The following NSMCE2 variants were observed in gnomAD, a reference collection of about 807,000 sequenced individuals.
NSMCE2 encodes the protein E3 SUMO-protein ligase NSE2.
In NSMCE2, 24 loss-of-function variants were observed where a neutral mutation model predicts 23.8. The observed-to-expected ratio is 1.01, with a 90% CI of 0.73 to 1.42. The LOEUF is 1.42. NSMCE2 is among the 40% of genes most tolerant of loss of function. The probability of loss-of-function intolerance (pLI) is 0.00; values close to 1 mark genes in which losing one functional copy is unlikely to be tolerated. For synonymous variants in NSMCE2, 92 were observed against 94.1 expected, an observed-to-expected ratio of 0.98 and a Z score of 0.13; for missense variants, 284 against 296.5, an observed-to-expected ratio of 0.96 and a Z score of 0.31.
chr8:125,202,241 A>G (rs1823916945), intron 5 of NSMCE2, among the ~76,000 whole-genome samples: 7 of 152,222 alleles, frequency 4.6e-5, no homozygotes, highest in Non-Finnish European at 1.0e-4. Flanking sequence ...AACCAGTCCC[A>G]GTGAGATGAA....
At chr8:125,246,197 T>G (rs1338686251) in intron 5 of NSMCE2, among the ~76,000 whole-genome samples, 1 of 151,934 alleles carries the variant, frequency 6.6e-6, no homozygotes, top group Non-Finnish European at 1.5e-5. Flanking sequence ...CTTTTTTTTT[T>G]GAGACAGAGT....
intron 4 of NSMCE2, 158 bp downstream of exon 4, chr8:125,151,435 G>A (rs1238093855): frequency 2.2e-6 from 1 of 446,026 alleles, no homozygotes; most frequent in South Asian, 5.4e-5. Flanking sequence ...CATAAAATTG[G>A]AATCCTAAGT....
chr8:125,350,228 A>C (rs901092856), intron 5 of NSMCE2, among the ~76,000 whole-genome samples: 5 of 152,198 alleles, frequency 3.3e-5, no homozygotes, highest in Non-Finnish European at 7.3e-5. Flanking sequence ...GGAGAACAAG[A>C]GTGATGTGAT....
chr8:125,284,252 C>T (rs975798923), intron 5 of NSMCE2, among the ~76,000 whole-genome samples: 8 of 149,906 alleles, frequency 5.3e-5, no homozygotes, highest in African/African-American at 2.0e-4. Flanking sequence ...AAAAAAATAC[C>T]CCTGAAAGAC....
chr8:125,282,962 A>G (rs114798747), intron 5 of NSMCE2, among the ~76,000 whole-genome samples: 2 of 152,222 alleles, frequency 1.3e-5, no homozygotes, highest in Admixed American at 6.5e-5. Flanking sequence ...GTCTAGCATA[A>G]TTGTTGAAAG....
chr8:125,110,675 C>A (rs1247716011), intron 3 of NSMCE2, among the ~76,000 whole-genome samples: 1 of 150,042 alleles, frequency 6.7e-6, no homozygotes, highest in African/African-American at 2.5e-5. Context: ...CATTACACTT[C>A]ATAAAAAATG....
intron 5 of NSMCE2, among the ~76,000 whole-genome samples, chr8:125,351,002 C>T (rs1813008935): frequency 6.6e-6 from 1 of 152,098 alleles, no homozygotes; most frequent in Admixed American, 6.5e-5. Flanking sequence ...AGAGAAGGGG[C>T]TGGATATGGA....
intron 5 of NSMCE2, among the ~76,000 whole-genome samples, chr8:125,310,579 G>A (rs905116644): frequency 4.6e-5 from 7 of 151,984 alleles, no homozygotes; most frequent in East Asian, 3.9e-4. Flanking sequence ...TTAAATTCCC[G>A]GTTACTTTAA....
chr8:125,235,003 TG>T (rs1278101883), intron 5 of NSMCE2, among the ~76,000 whole-genome samples: 1 of 152,146 alleles, frequency 6.6e-6, no homozygotes, highest in African/African-American at 2.4e-5. Flanking sequence ...CCTAGCACTT[TG>T]GGAGGCTGAG....
chr8:125,207,826 A>G (rs1264459453), intron 5 of NSMCE2, among the ~76,000 whole-genome samples: 4 of 152,236 alleles, frequency 2.6e-5, no homozygotes, highest in Non-Finnish European at 4.4e-5. Context: ...TGCAGCCTCC[A>G]GCAGATGAGT....
intron 3 of NSMCE2, 110 bp from the exon 4 acceptor site, chr8:125,151,061 C>G (rs964440150): frequency 2.7e-4 from 131 of 487,272 alleles, no homozygotes; most frequent in Middle Eastern, 5.5e-4. Flanking sequence ...GATGTAATAG[C>G]TCTACAAAAT....
At chr8:125,358,742 G>A (rs1447681855) in intron 7 of NSMCE2, among the ~76,000 whole-genome samples, 1 of 152,058 alleles carries the variant, frequency 6.6e-6, no homozygotes, top group African/African-American at 2.4e-5. Flanking sequence ...CTTCTCCATT[G>A]CCCAGAAATT....
At chr8:125,234,876 C>G (rs894521025) in intron 5 of NSMCE2, among the ~76,000 whole-genome samples, 1 of 152,154 alleles carries the variant, frequency 6.6e-6, no homozygotes, top group Admixed American at 6.6e-5. Flanking sequence ...TAATCCCCAC[C>G]CCATCCCCCG....
At chr8:125,122,197 G>C (rs953902813) in intron 3 of NSMCE2, among the ~76,000 whole-genome samples, 2 of 142,636 alleles carry the variant, frequency 1.4e-5, no homozygotes, top group African/African-American at 5.2e-5. Context: ...AAAAAAAAAT[G>C]CTGCCTATTA....
At chr8:125,168,092 C>A (rs1350249184) in intron 4 of NSMCE2, among the ~76,000 whole-genome samples, 3 of 152,086 alleles carry the variant, frequency 2.0e-5, no homozygotes, top group African/African-American at 7.2e-5. Context: ...AATCACTAAT[C>A]GATGGGTTTA....
chr8:125,322,104 T>G (rs1273854710), intron 5 of NSMCE2, among the ~76,000 whole-genome samples: 1 of 152,238 alleles, frequency 6.6e-6, no homozygotes, highest in African/African-American at 2.4e-5. Flanking sequence ...ATTCTGGATA[T>G]GACCTCAAAC....
At chr8:125,293,342 G>C (rs1189189416) in intron 5 of NSMCE2, among the ~76,000 whole-genome samples, 3 of 152,160 alleles carry the variant, frequency 2.0e-5, no homozygotes, top group Non-Finnish European at 4.4e-5. Context: ...AACCAGGACT[G>C]ACGAAAATTT....
intron 5 of NSMCE2, among the ~76,000 whole-genome samples, chr8:125,296,294 G>A (rs1828322513): frequency 6.6e-6 from 1 of 151,834 alleles, no homozygotes. Context: ...ATGTTTGTAA[G>A]AGAGAGAGAA....
intron 1 of NSMCE2, among the ~76,000 whole-genome samples, chr8:125,098,688 G>A (rs1818048455): frequency 6.6e-6 from 1 of 152,028 alleles, no homozygotes; most frequent in African/African-American, 2.4e-5. Flanking sequence ...GGATATGAGG[G>A]GAGGAGGAGA....
Sources: allele counts gnomAD v4.1 joint callset (sites outside exome capture counted in the v4.1 genomes callset), GRCh38; gene constraint gnomAD v4.1.1; transcripts MANE v1.5; gene names NCBI Gene and HGNC (gene_info 2026-07-23, HGNC 2026-07-21).